The following CFAP92 variants were observed in gnomAD, a reference collection of about 807,000 sequenced individuals.
The protein encoded by CFAP92 is uncharacterized protein CFAP92.
CFAP92 carries 86 observed loss-of-function variants against 106.3 expected under a neutral mutation model. The observed-to-expected ratio is 0.81, with a 90% CI of 0.68 to 0.97. The LOEUF (loss-of-function observed/expected upper bound fraction) is 0.97, where lower values mean the gene tolerates loss of function less well. Ranked by LOEUF, CFAP92 falls within the 50% of genes least tolerant of loss-of-function variation. The probability of loss-of-function intolerance (pLI) is 0.00; values close to 1 mark genes in which losing one functional copy is unlikely to be tolerated. For synonymous variants in CFAP92, 477 were observed against 506.4 expected (o/e 0.94, Z 0.78); for missense variants, 1,204 against 1,283.8 (o/e 0.94, Z 0.95).
At chr3:129,005,079 G>A (rs998304761), upstream of CFAP92, among the ~76,000 whole-genome samples, 1 of 152,244 alleles carries the variant, frequency 6.6e-6, no homozygotes, top group African/African-American at 2.4e-5. Context: ...TGGCCGGCCT[G>A]ACTACACATT....
chr3:128,976,655 C>A (rs1254966264), intron 6 of CFAP92, among the ~76,000 whole-genome samples: 2 of 152,218 alleles, frequency 1.3e-5, no homozygotes, highest in East Asian at 3.9e-4. Flanking sequence ...GGGTTGGAAA[C>A]CTGGCTTAAC....
chr3:128,948,377 C>CTTTTTT (rs4040748), intron 9 of CFAP92, among the ~76,000 whole-genome samples: 13 of 79,708 alleles, frequency 1.6e-4, no homozygotes, highest in South Asian at 5.3e-4. Flanking sequence ...CTTTTCTTTC[C>CTTTTTT]TTTTTTTTTT....
At chr3:129,010,943 C>G in the CFAP92 span, among the ~76,000 whole-genome samples, 1 of 152,198 alleles carries the variant, frequency 6.6e-6, no homozygotes. This position sits in a 1 kb window ranked among gnomAD's most constrained non-coding sequence, Gnocchi z 4.3. Flanking sequence ...GGCTTTGATT[C>G]CTGGCTCTTC....
Position 128,945,316 on chromosome 3 carries a change from G to A in CFAP92, c.2013C>T (p.Ser671=). 6.5e-7 allele frequency: 1 copy of A among 1,536,130 alleles called. No individual in the cohort carries two copies. Among genetic ancestry groups the A allele is most frequent in the East Asian group, 2.4e-5 (1 of 40,914 alleles). Residue 671 remains serine (S), a synonymous_variant, in exon 10 of 16, where the codon TCC becomes TCT. Coordinates refer to ENST00000645291, the MANE Select transcript of CFAP92 (RefSeq NM_001394090.1). ...TGTCCTGCAGCAGGCTGTGGAGCAG[G>A]GAGACCTTCTTAAAGTCAAAGACGA... The part of the protein sequence containing the change: ...IIFVFDFKKV[S]LLHSLLQDIT...
intron 9 of CFAP92, among the ~76,000 whole-genome samples, chr3:128,963,081 C>A (rs990389368): frequency 3.3e-5 from 5 of 152,210 alleles, no homozygotes; most frequent in African/African-American, 9.7e-5. Context: ...TCACAGACAG[C>A]CCCCATTACT....
chr3:129,004,136 A>G (rs1441573050), upstream of CFAP92: 3 of 1,398,912 alleles, frequency 2.1e-6, no homozygotes, highest in Non-Finnish European at 2.8e-6. Context: ...ATTTTCCCAA[A>G]CTTCGGGTGT....
the CFAP92 span, among the ~76,000 whole-genome samples, chr3:129,018,682 G>A: frequency 5.7e-4 from 87 of 152,344 alleles, 2 homozygotes; most frequent in South Asian, 0.017. Flanking sequence ...GGACTGGGCA[G>A]GGGCAGGGAT....
the CFAP92 span, among the ~76,000 whole-genome samples, chr3:129,025,863 T>A: frequency 1.3e-5 from 2 of 152,236 alleles, no homozygotes; most frequent in Non-Finnish European, 2.9e-5. Context: ...TCTGTTCTCT[T>A]CCCAGCTTCA....
the CFAP92 span, among the ~76,000 whole-genome samples, chr3:129,024,134 C>T: frequency 1.3e-5 from 2 of 152,174 alleles, no homozygotes; most frequent in South Asian, 4.1e-4. Flanking sequence ...AGAGAAACAC[C>T]ATAACACACC....
At chr3:129,001,682 C>G (rs747342896) in intron 1 of CFAP92, 1 of 1,479,062 alleles carries the variant, frequency 6.8e-7, no homozygotes, top group South Asian at 1.3e-5. Flanking sequence ...CGGGAGGTGA[C>G]CCGTACCGGC....
intron 8 of CFAP92, chr3:128,970,985 A>T (rs1205239035): frequency 8.9e-6 from 4 of 448,490 alleles, no homozygotes; most frequent in Admixed American, 4.0e-5. Flanking sequence ...GCATCTTCTT[A>T]ACAAACACAA....
intron 1 of CFAP92, chr3:129,001,623 G>T (rs961800230): frequency 7.4e-7 from 1 of 1,355,374 alleles, no homozygotes; most frequent in Non-Finnish European, 9.4e-7. Flanking sequence ...GGCGCGCGGC[G>T]CAGCGATGGA....
rs573340831 is a variant in CFAP92 at position 128,992,049 on chromosome 3, A to T, written c.262+994T>A. Among the ~76,000 whole-genome samples, 165 of 152,274 alleles carry T rather than the reference A, an allele frequency of 1.1e-3. 1 individual carries two copies. Among genetic ancestry groups the T allele is most frequent in the East Asian group, 2.1e-3 (11 of 5,170 alleles). ...TTTCTAGAACAAGAAGGGGTCTAGG[A>T]TAGCCCACTGGTCCAGGAGGAAAAG... On this transcript the variant is annotated intron_variant, in intron 2 of 15. Transcript: ENST00000645291.
At position 128,975,874 on chromosome 3, in the gene CFAP92, G is replaced by T. The variant is rs746623907; in HGVS notation, c.926C>A (p.Ser309Tyr). 41 of 1,609,758 alleles carry T rather than the reference G, an allele frequency of 2.5e-5. No individual in the cohort carries two copies. Among genetic ancestry groups the T allele is most frequent in the Non-Finnish European group, 3.2e-5 (38 of 1,178,292 alleles). Residue 309 changes from serine to tyrosine, a missense_variant, in exon 7 of 16, where the codon TCT (serine) becomes TAT (tyrosine). Transcript: ENST00000645291. The part of the protein sequence containing the change: ...QWSVSRTPTI[S>Y]LAGASMMEIK... ...CTCCATCATGCTTGCTCCTGCCAAA[G>T]AAATGGTTGGTGTTCTTGAAACACT...
At chr3:128,978,295 A>T in intron 4 of CFAP92, 110 bp from the exon 5 acceptor site, 1 of 1,075,396 alleles carries the variant, frequency 9.3e-7, no homozygotes, top group South Asian at 1.6e-5. Flanking sequence ...TTCAGACTAC[A>T]CTAAAGTAAA....
chr3:128,919,788 CAA>C (rs1420783502), intron 12 of CFAP92, among the ~76,000 whole-genome samples: 1 of 152,116 alleles, frequency 6.6e-6, no homozygotes, highest in African/African-American at 2.4e-5. Flanking sequence ...GCTAGAGAAA[CAA>C]AATTGGATTT....
intron 9 of CFAP92, among the ~76,000 whole-genome samples, chr3:128,959,626 G>A (rs112607011): frequency 1.8e-4 from 28 of 152,326 alleles, no homozygotes; most frequent in African/African-American, 6.7e-4. Flanking sequence ...TTCACAATGA[G>A]TGAGCATCCC....
intron 12 of CFAP92, among the ~76,000 whole-genome samples, chr3:128,916,902 A>G (rs1265483282): frequency 6.6e-6 from 1 of 152,224 alleles, no homozygotes; most frequent in Non-Finnish European, 1.5e-5. Flanking sequence ...GCAGTGTTTC[A>G]TATGCATATT....
intron 9 of CFAP92, among the ~76,000 whole-genome samples, chr3:128,962,854 CA>C (rs1413370231): frequency 6.6e-6 from 1 of 152,192 alleles, no homozygotes; most frequent in African/African-American, 2.4e-5. Context: ...CCTTATCAAC[CA>C]AATTGTTTTG....
Sources: gnomAD v4.1 joint callset for allele counts (sites outside exome capture counted in the v4.1 genomes callset) on GRCh38, gnomAD v4.1.1 for gene constraint, Gnocchi (gnomAD v3.1) non-coding constraint, MANE v1.5 for transcripts, NCBI Gene and HGNC (gene_info 2026-07-23, HGNC 2026-07-21) for gene names.